Variants in KANK1 observed in about 807,000 individuals in gnomAD.
KANK1 encodes KN motif and ankyrin repeat domains 1.
In KANK1, 109 loss-of-function variants were observed where a neutral mutation model predicts 106.2. That is an observed-to-expected ratio of 1.03 (90% CI 0.88 to 1.20). The LOEUF is 1.20. Among genes scored for constraint, KANK1 ranks in the 50% most tolerant of loss-of-function variants. The pLI is 0.00. For synonymous variants in KANK1, 873 were observed against 652.2 expected, an observed-to-expected ratio of 1.34 and a Z score of -5.16; for missense variants, 2,399 against 1,710.7, an observed-to-expected ratio of 1.40 and a Z score of -7.10.
At chr9:708,622 A>G (rs537901319) in intron 2 of KANK1, among the ~76,000 whole-genome samples, 1 of 152,302 alleles carries the variant, frequency 6.6e-6, no homozygotes, top group East Asian at 1.9e-4. Context: ...AAGCGGGCAG[A>G]TGGAAGCAGA....
chr9:587,997 C>A (rs757794919), intron 1 of KANK1, among the ~76,000 whole-genome samples: 2 of 151,518 alleles, frequency 1.3e-5, no homozygotes, highest in Non-Finnish European at 2.9e-5. Context: ...ACCTGGGAGG[C>A]AGAGGTTGCA....
intron 1 of KANK1, among the ~76,000 whole-genome samples, chr9:657,153 C>T (rs1321456893): frequency 1.3e-5 from 2 of 152,174 alleles, no homozygotes; most frequent in African/African-American, 2.4e-5. Context: ...TTTCACTTAG[C>T]ATAGTGTCTT....
chr9:618,912 T>C (rs1832504076), intron 1 of KANK1, among the ~76,000 whole-genome samples: 1 of 152,188 alleles, frequency 6.6e-6, no homozygotes, highest in South Asian at 2.1e-4. Flanking sequence ...AGAATAAAAC[T>C]TGTCAAAGAA....
At chr9:579,639 T>C (rs929796688) in intron 1 of KANK1, among the ~76,000 whole-genome samples, 1 of 151,998 alleles carries the variant, frequency 6.6e-6, no homozygotes, top group African/African-American at 2.4e-5. Context: ...CAGTGAGCCA[T>C]GGTGGGGGAG....
At chr9:523,553 T>C (rs12352274) in intron 1 of KANK1, among the ~76,000 whole-genome samples, 19,622 of 151,678 alleles carry the variant, frequency 0.13, 2,331 homozygotes, top group African/African-American at 0.29. Context: ...GAAAAGTTTT[T>C]ACAGTGAACT....
At chr9:714,361 A>ATTTTTT (rs33935286) in intron 3 of KANK1, among the ~76,000 whole-genome samples, 2 of 128,830 alleles carry the variant, frequency 1.6e-5, no homozygotes, top group African/African-American at 3.0e-5. Context: ...TTTCCCACTC[A>ATTTTTT]TTTTTTTTTT....
chr9:472,161 T>C (rs763843352), intron 2 of KANK1, among the ~76,000 whole-genome samples: 2 of 152,360 alleles, frequency 1.3e-5, no homozygotes, highest in Non-Finnish European at 1.5e-5. Flanking sequence ...CAGCCTCTTA[T>C]AGAGAGCTGG....
intron 1 of KANK1, among the ~76,000 whole-genome samples, chr9:595,656 G>C (rs570250312): frequency 6.6e-6 from 1 of 151,894 alleles, no homozygotes; most frequent in South Asian, 2.1e-4. Flanking sequence ...CTCCTGAGTA[G>C]CTGGGACTGC....
At chr9:734,367 A>T (rs558329999) in intron 6 of KANK1, 1 of 181,982 alleles carries the variant, frequency 5.5e-6, no homozygotes, top group South Asian at 1.2e-4. Context: ...CCTTTTAAAA[A>T]TATATTTTTA....
intron 1 of KANK1, among the ~76,000 whole-genome samples, chr9:616,211 A>T (rs1831790054): frequency 6.6e-6 from 1 of 152,202 alleles, no homozygotes; most frequent in African/African-American, 2.4e-5. Context: ...TCCAAATTTT[A>T]TCCGGTCCTA....
chr9:588,163 A>C (rs569935624), intron 1 of KANK1, among the ~76,000 whole-genome samples: 5 of 152,202 alleles, frequency 3.3e-5, no homozygotes, highest in South Asian at 4.1e-4. Context: ...TGAGATACCA[A>C]AGCCCATATC....
At chr9:593,545 T>A (rs2062826787) in intron 1 of KANK1, among the ~76,000 whole-genome samples, 1 of 151,286 alleles carries the variant, frequency 6.6e-6, no homozygotes, top group African/African-American at 2.5e-5. Context: ...GAAGCCTTTG[T>A]TTTTTGGCTG....
At chr9:591,184 G>T (rs1824783764) in intron 1 of KANK1, among the ~76,000 whole-genome samples, 1 of 151,576 alleles carries the variant, frequency 6.6e-6, no homozygotes, top group South Asian at 2.1e-4. Flanking sequence ...ATTTTTAAAT[G>T]TCTTTTATTA....
chr9:503,218 C>T (rs1195726479), upstream of KANK1, among the ~76,000 whole-genome samples: 1 of 151,956 alleles, frequency 6.6e-6, no homozygotes, highest in Non-Finnish European at 1.5e-5. Context: ...TTCTCCTTTT[C>T]ATAGAAGAGT....
chr9:736,862 T>C (rs564763022), intron 7 of KANK1, among the ~76,000 whole-genome samples: 12 of 152,344 alleles, frequency 7.9e-5, no homozygotes, highest in Non-Finnish European at 1.5e-4. Flanking sequence ...AACTTAAAAC[T>C]GGTGCCTTAC....
chr9:678,331 C>T (rs1009309148), intron 2 of KANK1, among the ~76,000 whole-genome samples: 8 of 152,148 alleles, frequency 5.3e-5, no homozygotes, highest in African/African-American at 1.7e-4. Flanking sequence ...CATTTTCATA[C>T]TTAATCCTCA....
At chr9:687,391 A>G (rs1177374457) in intron 2 of KANK1, among the ~76,000 whole-genome samples, 4 of 152,178 alleles carry the variant, frequency 2.6e-5, no homozygotes, top group South Asian at 2.1e-4. Context: ...ATCTCTAACT[A>G]TTATTCCCTT....
chr9:683,253 CAGA>C (rs1191251473), intron 2 of KANK1, among the ~76,000 whole-genome samples: 1 of 152,270 alleles, frequency 6.6e-6, no homozygotes, highest in East Asian at 1.9e-4. Flanking sequence ...AATGAATTTG[CAGA>C]AGGATTAAAA....
intron 1 of KANK1, among the ~76,000 whole-genome samples, chr9:530,953 C>A (rs971870940): frequency 5.3e-5 from 8 of 152,034 alleles, no homozygotes; most frequent in Non-Finnish European, 1.0e-4. Flanking sequence ...GAGACAACAT[C>A]TCAATAAAAT....
Sources: allele counts gnomAD v4.1 joint callset (sites outside exome capture counted in the v4.1 genomes callset), GRCh38; gene constraint gnomAD v4.1.1; transcripts MANE v1.5; gene names NCBI Gene and HGNC (gene_info 2026-07-23, HGNC 2026-07-21).